ZNF423: variants seen among roughly 807,000 people sequenced by gnomAD.
The protein encoded by ZNF423 is Ebf-associated zinc finger protein.
ZNF423 carries 12 observed loss-of-function variants against 95.8 expected under a neutral mutation model. That is an observed-to-expected ratio of 0.13 (90% CI 0.08 to 0.20). The LOEUF (loss-of-function observed/expected upper bound fraction) is 0.20. Ranked by LOEUF, ZNF423 falls within the 10% of genes least tolerant of loss-of-function variation. ZNF423 has a pLI of 1.00. For synonymous variants in ZNF423, 749 were observed against 711.9 expected (o/e 1.05, Z -0.83); for missense variants, 1,316 against 1,737.1 (o/e 0.76, Z 4.31).
At chr16:49,513,632 G>GGGATGGATGGAT (rs200850664) in intron 7 of ZNF423, among the ~76,000 whole-genome samples, 47 of 135,206 alleles carry the variant, frequency 3.5e-4, no homozygotes, top group African/African-American at 4.6e-4. Context: ...AACACATATG[G>GGGATGGATGGAT]GGATGGATGG....
chr16:49,734,184 T>G (rs2033232363), intron 2 of ZNF423, among the ~76,000 whole-genome samples: 2 of 152,166 alleles, frequency 1.3e-5, no homozygotes, highest in African/African-American at 4.8e-5. Flanking sequence ...GATCGGTTGC[T>G]CAGTAAGTCC....
chr16:49,697,087 G>A (rs568222696), intron 3 of ZNF423, among the ~76,000 whole-genome samples: 42 of 152,274 alleles, frequency 2.8e-4, no homozygotes, highest in Non-Finnish European at 5.3e-4. Context: ...ACCTTTCTTC[G>A]ACCTTCCAGA....
At chr16:49,740,246 A>G (rs985263260) in intron 2 of ZNF423, among the ~76,000 whole-genome samples, 1 of 152,136 alleles carries the variant, frequency 6.6e-6, no homozygotes, top group East Asian at 1.9e-4. Context: ...CGAGGGCAAG[A>G]TGCCTTTTCT....
At chr16:49,513,755 C>T (rs1005438643) in intron 7 of ZNF423, among the ~76,000 whole-genome samples, 1 of 152,116 alleles carries the variant, frequency 6.6e-6, no homozygotes, top group African/African-American at 2.4e-5. Flanking sequence ...TAGTGACTTA[C>T]AATCCATATG....
At chr16:49,727,676 G>A (rs1046429943) in intron 3 of ZNF423, among the ~76,000 whole-genome samples, 2 of 152,174 alleles carry the variant, frequency 1.3e-5, no homozygotes, top group African/African-American at 2.4e-5. Flanking sequence ...CTGCCTCCAC[G>A]TTCCAGCAGC....
Position 49,789,375 on chromosome 16 carries a change from A to C in ZNF423, c.100+112T>G. The C allele has an allele frequency of 7.8e-6, 8 of 1,022,570 alleles. No individual in the cohort carries two copies. The South Asian group carries it at 1.2e-4, about 15-fold the overall frequency. The allele number at this position is 1,022,570 out of a possible 1,614,324, so 63.3% of individuals were successfully genotyped here. ...GCATGGGGTAGTCTGGATTGGAGGC[A>C]GGAATGTGACACGAAGAATATCATT... On this transcript the variant is annotated intron_variant, in intron 2 of 7. Transcript: ENST00000563137.
At chr16:49,694,088 G>A (rs576161106) in intron 3 of ZNF423, among the ~76,000 whole-genome samples, 24 of 152,268 alleles carry the variant, frequency 1.6e-4, no homozygotes, top group African/African-American at 5.8e-4. Flanking sequence ...TCTGTCTAAC[G>A]AGGTTCTCCC....
chr16:49,604,539 G>T (rs1971474094), intron 5 of ZNF423, among the ~76,000 whole-genome samples: 1 of 152,108 alleles, frequency 6.6e-6, no homozygotes, highest in African/African-American at 2.4e-5. Flanking sequence ...TTAAATAGTT[G>T]CATCACCTCA....
chr16:49,706,132 A>G (rs9924265), intron 3 of ZNF423, among the ~76,000 whole-genome samples: 10,172 of 152,164 alleles, frequency 0.067, 1,089 homozygotes, highest in African/African-American at 0.23. Context: ...CCTGGAAAAT[A>G]GGGCCAGACA....
chr16:49,599,102 T>C (rs888631152), intron 5 of ZNF423, among the ~76,000 whole-genome samples: 1 of 152,092 alleles, frequency 6.6e-6, no homozygotes, highest in East Asian at 1.9e-4. Flanking sequence ...TGCACACACA[T>C]AGACACACAC....
chr16:49,680,667 A>G (rs1799470781), intron 3 of ZNF423, among the ~76,000 whole-genome samples: 1 of 152,216 alleles, frequency 6.6e-6, no homozygotes, highest in African/African-American at 2.4e-5. Context: ...ACATGGAACC[A>G]GCACATGGAG....
chr16:49,653,311 CAAA>C (rs5816652), intron 3 of ZNF423, among the ~76,000 whole-genome samples: 8 of 99,196 alleles, frequency 8.1e-5, no homozygotes, highest in Admixed American at 1.2e-4. Context: ...CAAGAACCAC[CAAA>C]AAAAAAAAAA....
At chr16:49,648,093 A>G (rs559040308) in intron 3 of ZNF423, among the ~76,000 whole-genome samples, 1 of 152,236 alleles carries the variant, frequency 6.6e-6, no homozygotes, top group Non-Finnish European at 1.5e-5. Flanking sequence ...TCACTTTAGG[A>G]AATATCTAAA....
chr16:49,589,756 T>A (rs1049850249), intron 5 of ZNF423, among the ~76,000 whole-genome samples: 2 of 152,002 alleles, frequency 1.3e-5, no homozygotes, highest in African/African-American at 4.8e-5. Context: ...GAAGCCCCAG[T>A]TGTGATGACA....
chr16:49,696,716 G>A (rs1334196184), intron 3 of ZNF423, among the ~76,000 whole-genome samples: 1 of 151,908 alleles, frequency 6.6e-6, no homozygotes, highest in Admixed American at 6.6e-5. Context: ...TCCTGGCGGG[G>A]GACAGCCAGG....
chr16:49,821,219 C>T (rs184085793), intron 1 of ZNF423, among the ~76,000 whole-genome samples: 4 of 124,554 alleles, frequency 3.2e-5, no homozygotes, highest in Non-Finnish European at 4.9e-5. Flanking sequence ...TACCCAGACG[C>T]GGAGGAAAAT....
intron 3 of ZNF423, among the ~76,000 whole-genome samples, chr16:49,684,031 A>G (rs1174345513): frequency 6.6e-6 from 1 of 152,188 alleles, no homozygotes; most frequent in Non-Finnish European, 1.5e-5. Context: ...TGATTGTGCC[A>G]CTGCACTCCA....
intron 3 of ZNF423, chr16:49,640,979 T>A (rs536575131): frequency 6.6e-6 from 1 of 152,314 alleles, no homozygotes; most frequent in East Asian, 1.9e-4. Flanking sequence ...AGGGAGGAGA[T>A]GGCTGGGGCC....
intron 5 of ZNF423, among the ~76,000 whole-genome samples, chr16:49,561,621 T>C (rs567853116): frequency 2.7e-4 from 41 of 152,208 alleles, no homozygotes; most frequent in Admixed American, 9.2e-4. Context: ...GATTCCTTTT[T>C]TTGCCAGGCA....
Sources: allele counts gnomAD v4.1 joint callset (sites outside exome capture counted in the v4.1 genomes callset), GRCh38; gene constraint gnomAD v4.1.1; transcripts MANE v1.5; gene names NCBI Gene and HGNC (gene_info 2026-07-23, HGNC 2026-07-21).